Variants in ATXN2 observed in about 807,000 individuals in gnomAD.
ATXN2 encodes the protein ataxin 2, also known as ataxin-2.
Under a neutral mutation model 138.6 loss-of-function variants are expected in ATXN2, and 37 were observed. The observed-to-expected ratio is 0.27, with a 90% CI of 0.21 to 0.35. ATXN2 has a LOEUF of 0.35. Ranked by LOEUF, ATXN2 falls within the 10% of genes least tolerant of loss-of-function variation. The pLI is 1.00. For missense variants in ATXN2, 1,216 were observed against 1,480.3 expected (o/e 0.82, Z 2.93); for synonymous variants, 549 against 543.7 (o/e 1.01, Z -0.13).
chr12:111,585,351 A>G (rs1416881113), intron 1 of ATXN2, among the ~76,000 whole-genome samples: 7 of 151,568 alleles, frequency 4.6e-5, no homozygotes, highest in Admixed American at 4.6e-4. Context: ...CATCTCTACT[A>G]AAAATACAAA....
At chr12:111,457,131 G>C (rs1309789672) in intron 22 of ATXN2, 83 bp downstream of exon 22, 2 of 1,490,860 alleles carry the variant, frequency 1.3e-6, no homozygotes, top group Non-Finnish European at 1.8e-6. Flanking sequence ...GTGTTCTGAC[G>C]ATGCGATACC....
At chr12:111,568,571 A>T (rs1883142034) in intron 1 of ATXN2, among the ~76,000 whole-genome samples, 1 of 152,034 alleles carries the variant, frequency 6.6e-6, no homozygotes, top group Admixed American at 6.6e-5. Flanking sequence ...CATACCTCTA[A>T]CCCCCTTCCA....
chr12:111,465,767 CAAAAAAAAAAAA>C (rs61456193), intron 20 of ATXN2, among the ~76,000 whole-genome samples: 5 of 36,272 alleles, frequency 1.4e-4, no homozygotes, highest in Admixed American at 3.0e-4. Flanking sequence ...GAGACTACCT[CAAAAAAAAAAAA>C]AAAAAAAAAA....
At chr12:111,555,794 G>T in intron 2 of ATXN2, 89 bp downstream of exon 2, 1 of 1,078,376 alleles carries the variant, frequency 9.3e-7, no homozygotes, top group Non-Finnish European at 1.4e-6. Flanking sequence ...TCAAAAGAAG[G>T]GAATCTTTTG....
rs1413952579 is a variant in ATXN2 at position 111,598,795 on chromosome 12, G to C, written c.240C>G (p.Pro80=). The stretch of plus-strand genomic sequence containing the variant: ...GTGCCGACACCCACCTGCCCAGGCC[G>C]GGCCTCCCGCCGCCGGAGGTCGCCG... The part of the protein sequence containing the change: ...VVAATSGGGR[P]GLGRGRNSNK... Residue 80 remains proline, a synonymous_variant, in exon 1 of 25, where the codon CCC becomes CCG. Transcript: ENST00000673436. This position sits in a 1 kb window ranked among gnomAD's most constrained non-coding sequence, Gnocchi z 4.5. 2.2e-6 allele frequency: 3 copies of C among 1,388,674 alleles called. No homozygotes were observed. Among genetic ancestry groups the C allele is most frequent in the South Asian group, 3.0e-5 (2 of 66,026 alleles). 86.0% of individuals were successfully genotyped at this position (1,388,674 alleles called of 1,614,324 possible).
At chr12:111,557,469 T>G (rs1335543116) in intron 1 of ATXN2, among the ~76,000 whole-genome samples, 1 of 152,232 alleles carries the variant, frequency 6.6e-6, no homozygotes, top group Non-Finnish European at 1.5e-5. Flanking sequence ...TCCTGAAGTC[T>G]AAGGAATATG....
intron 1 of ATXN2, among the ~76,000 whole-genome samples, chr12:111,587,073 CAAAAAA>C (rs374631048): frequency 8.9e-6 from 1 of 112,886 alleles, no homozygotes; most frequent in Non-Finnish European, 1.8e-5. Flanking sequence ...CCATTTCTAC[CAAAAAA>C]AAAAAAAAAA....
chr12:111,589,385 C>T (rs189274723), intron 1 of ATXN2, among the ~76,000 whole-genome samples: 29 of 152,258 alleles, frequency 1.9e-4, no homozygotes, highest in African/African-American at 7.0e-4. Context: ...GTAATCCCAG[C>T]ACCTTGGGAG....
In ATXN2 at chr12:111,599,283, CA is replaced by C. The variant is rs1206810078; in HGVS notation, c.-250del. On this transcript the variant is annotated 5_prime_UTR_variant, in exon 1 of 25. Transcript: ENST00000673436. The stretch of plus-strand genomic sequence containing the variant: ...GCGCCGCCGCCGTTGCCGTTGCTAC[CA>C]AAACAGTCTGAGGCGGAGGGAGGCG... 1 of 993,054 alleles carries C rather than the reference CA, an allele frequency of 1.0e-6. No homozygotes were observed. Among genetic ancestry groups the C allele is most frequent in the African/African-American group, 1.9e-5 (1 of 53,890 alleles). The allele number at this position is 993,054 out of a possible 1,614,324, so 61.5% of individuals were successfully genotyped here. A position where few individuals can be genotyped will look rare whatever the true frequency, so the allele number is the denominator to read the frequency against.
chr12:111,454,040 C>A, intron 23 of ATXN2, 195 bp from the exon 24 acceptor site: 1 of 560,452 alleles, frequency 1.8e-6, no homozygotes, highest in Non-Finnish European at 3.1e-6. Flanking sequence ...TGGGCAGATC[C>A]TGCAAGGGTC....
rs543183524 is a variant in ATXN2 at position 111,486,805 on chromosome 12, A to G, written c.2260T>C (p.Leu754=). ...DAAEQVRKST[L]NPNAKEFNPR... is the part of the protein sequence containing the mutation. The stretch of plus-strand genomic sequence containing the variant: ...TTGAACTCCTTTGCATTGGGATTCA[A>G]TGTTGATTTCCTAACTTGCCTAAAA... The change falls in exon 16 of 25, where the codon TTG becomes CTG. Residue 754 remains leucine, a synonymous_variant. Transcript: ENST00000673436. 5.6e-6 allele frequency: 9 copies of G among 1,613,034 alleles called. No homozygotes were observed. The Admixed American group carries it at 1.0e-4, about 18-fold the overall frequency.
At position 111,552,478 on chromosome 12, in the gene ATXN2, AT is replaced by A; in HGVS notation, c.421-49del. On this transcript the variant is annotated intron_variant, in intron 4 of 24. Coordinates refer to ENST00000673436, the MANE Select transcript of ATXN2 (RefSeq NM_001372574.1). The surrounding 1 kb of genome is among the most constrained non-coding windows in gnomAD (Gnocchi z 4.1). ...GTACTCCAAACCTTTACAAAATAAA[AT>A]TTGTTAGGAATTCTTTAGCTCATCA... 6.4e-7 allele frequency: 1 copy of A among 1,551,024 alleles called. No individual in the cohort carries two copies. The highest frequency in any genetic ancestry group is 1.2e-5 in the South Asian group (1 of 81,134).
intron 1 of ATXN2, among the ~76,000 whole-genome samples, chr12:111,581,991 G>A (rs1036502380): frequency 1.3e-5 from 2 of 151,226 alleles, no homozygotes; most frequent in Non-Finnish European, 2.9e-5. Flanking sequence ...CTCCAAATGC[G>A]TTTGACTCTA....
chr12:111,538,982 G>A (rs558387213), intron 5 of ATXN2, among the ~76,000 whole-genome samples: 3 of 150,078 alleles, frequency 2.0e-5, no homozygotes, highest in East Asian at 1.9e-4. Context: ...CAGATTCCAC[G>A]TACGTAATAC....
At chr12:111,465,497 C>T (rs997590472) in intron 20 of ATXN2, among the ~76,000 whole-genome samples, 3 of 151,716 alleles carry the variant, frequency 2.0e-5, no homozygotes, top group Admixed American at 1.3e-4. Context: ...TGAGGCTGGG[C>T]GTGGTGGCTC....
intron 1 of ATXN2, among the ~76,000 whole-genome samples, chr12:111,589,738 C>T (rs1424210483): frequency 6.6e-6 from 1 of 152,012 alleles, no homozygotes; most frequent in African/African-American, 2.4e-5. Flanking sequence ...TGCCACTGCA[C>T]CCCACCCTAG....
intron 1 of ATXN2, among the ~76,000 whole-genome samples, chr12:111,569,762 T>G (rs1384851340): frequency 1.3e-5 from 2 of 151,996 alleles, no homozygotes; most frequent in Non-Finnish European, 2.9e-5. Context: ...GTTTTACCCC[T>G]TCAGTGCCTT....
At chr12:111,532,517 A>C (rs556184486) in intron 5 of ATXN2, among the ~76,000 whole-genome samples, 14 of 152,178 alleles carry the variant, frequency 9.2e-5, no homozygotes, top group Non-Finnish European at 1.8e-4. Flanking sequence ...TGAGATACCC[A>C]TAACATCAAG....
intron 21 of ATXN2, among the ~76,000 whole-genome samples, chr12:111,463,827 C>T (rs1875774425): frequency 6.6e-6 from 1 of 152,170 alleles, no homozygotes; most frequent in African/African-American, 2.4e-5. Context: ...CGCTCTGCCA[C>T]CCAGGCTGGA....
Sources: allele counts gnomAD v4.1 joint callset (sites outside exome capture counted in the v4.1 genomes callset), GRCh38; gene constraint gnomAD v4.1.1; non-coding constraint Gnocchi (gnomAD v3.1); transcripts MANE v1.5; gene names NCBI Gene and HGNC (gene_info 2026-07-23, HGNC 2026-07-21).